Variants in COMMD1 observed in about 807,000 individuals in gnomAD.
COMMD1 encodes the protein COMM domain-containing protein 1.
A neutral mutation model predicts 17.2 loss-of-function variants in COMMD1; 10 were observed. The ratio of observed to expected loss-of-function variants is 0.58; its 90% CI spans 0.36 to 0.99. The LOEUF is 0.99. Among genes scored for constraint, COMMD1 ranks in the 50% least tolerant of loss-of-function variants. The probability of loss-of-function intolerance (pLI) is 0.01; values close to 1 mark genes in which losing one functional copy is unlikely to be tolerated. For synonymous variants in COMMD1, 97 were observed against 91.6 expected (o/e 1.06, Z -0.34); for missense variants, 270 against 231.8 (o/e 1.17, Z -1.07).
chr2:61,981,947 T>C (rs1340139733), intron 1 of COMMD1, among the ~76,000 whole-genome samples: 1 of 152,228 alleles, frequency 6.6e-6, no homozygotes, highest in African/African-American at 2.4e-5. Context: ...TTCTTTTTGC[T>C]CAGGATAGCT....
chr2:62,037,525 CATT>C (rs947330069), intron 2 of COMMD1, among the ~76,000 whole-genome samples: 2 of 152,160 alleles, frequency 1.3e-5, no homozygotes, highest in African/African-American at 4.8e-5. Flanking sequence ...CGAGAGGTAT[CATT>C]TTACTGGTTA....
chr2:61,908,468 G>T (rs914598765), intron 1 of COMMD1, among the ~76,000 whole-genome samples: 1 of 151,882 alleles, frequency 6.6e-6, no homozygotes, highest in East Asian at 1.9e-4. Flanking sequence ...CTCATGATCT[G>T]CCTGCCTCAG....
chr2:61,918,790 C>T (rs972405064), intron 1 of COMMD1, among the ~76,000 whole-genome samples: 2 of 152,000 alleles, frequency 1.3e-5, no homozygotes, highest in Non-Finnish European at 2.9e-5. Context: ...TGGAGTGGAT[C>T]CTTAAACTGC....
intron 2 of COMMD1, among the ~76,000 whole-genome samples, chr2:62,065,216 G>A (rs183669803): frequency 1.8e-4 from 28 of 152,162 alleles, no homozygotes; most frequent in Admixed American, 1.8e-3. Flanking sequence ...GGGTAAGTAG[G>A]CGATGAAGCT....
At chr2:61,941,472 A>C (rs1463576264) in intron 1 of COMMD1, among the ~76,000 whole-genome samples, 1 of 152,238 alleles carries the variant, frequency 6.6e-6, no homozygotes, top group Non-Finnish European at 1.5e-5. Flanking sequence ...GAACTGCGTT[A>C]TGGACATATT....
chr2:61,942,347 A>T (rs1309608539), intron 1 of COMMD1, among the ~76,000 whole-genome samples: 2 of 151,512 alleles, frequency 1.3e-5, no homozygotes, highest in Non-Finnish European at 2.9e-5. Flanking sequence ...CAGGTGATCC[A>T]CCCACCTCGG....
chr2:62,023,705 A>G (rs1171649019), intron 2 of COMMD1, among the ~76,000 whole-genome samples: 2 of 152,124 alleles, frequency 1.3e-5, no homozygotes, highest in African/African-American at 4.8e-5. Flanking sequence ...GGCTGGTATC[A>G]AACTCTTGAC....
chr2:61,930,131 G>A (rs1488406520), intron 1 of COMMD1, among the ~76,000 whole-genome samples: 1 of 152,160 alleles, frequency 6.6e-6, no homozygotes, highest in Non-Finnish European at 1.5e-5. Context: ...AGAGGGGGAA[G>A]CCAGCTGACT....
chr2:61,898,115 A>G (rs892623202), intron 1 of COMMD1, among the ~76,000 whole-genome samples: 1 of 152,204 alleles, frequency 6.6e-6, no homozygotes, highest in African/African-American at 2.4e-5. Flanking sequence ...TAAGATTTTA[A>G]GGCAGAGACA....
At chr2:62,031,257 G>A (rs915975964) in intron 2 of COMMD1, among the ~76,000 whole-genome samples, 7 of 152,174 alleles carry the variant, frequency 4.6e-5, no homozygotes, top group African/African-American at 1.7e-4. Flanking sequence ...CTGTATAACA[G>A]AAGACAAAAT....
intron 2 of COMMD1, among the ~76,000 whole-genome samples, chr2:62,016,943 G>A (rs1293571590): frequency 6.6e-6 from 1 of 152,146 alleles, no homozygotes; most frequent in African/African-American, 2.4e-5. Context: ...AATGATTTAT[G>A]CTACTAGGGA....
At chr2:62,087,818 A>G (rs2103992281) in intron 2 of COMMD1, among the ~76,000 whole-genome samples, 1 of 152,350 alleles carries the variant, frequency 6.6e-6, no homozygotes, top group East Asian at 1.9e-4. Context: ...GTTAGTCCAT[A>G]TGTTAGTAGG....
intron 2 of COMMD1, among the ~76,000 whole-genome samples, chr2:62,047,520 T>A (rs900236036): frequency 2.6e-5 from 4 of 151,518 alleles, no homozygotes; most frequent in Non-Finnish European, 4.4e-5. Flanking sequence ...AATGGTGAGG[T>A]CTTGGCTCAC....
At chr2:62,017,068 A>G (rs11125904) in intron 2 of COMMD1, among the ~76,000 whole-genome samples, 19,724 of 152,276 alleles carry the variant, frequency 0.13, 3,164 homozygotes, top group African/African-American at 0.38. Flanking sequence ...CACCCAAGAC[A>G]TTAATGAGTG....
At chr2:62,020,909 G>T (rs565362375) in intron 2 of COMMD1, among the ~76,000 whole-genome samples, 1 of 151,918 alleles carries the variant, frequency 6.6e-6, no homozygotes, top group African/African-American at 2.4e-5. Context: ...AGGCTGAGGC[G>T]GGAGAATTGC....
chr2:61,900,461 G>A (rs1669634310), intron 1 of COMMD1, among the ~76,000 whole-genome samples: 1 of 152,230 alleles, frequency 6.6e-6, no homozygotes, highest in Non-Finnish European at 1.5e-5. Context: ...CAAGACTGAT[G>A]GCCTGCAGGC....
At chr2:62,004,998 C>A (rs1429156321) in intron 2 of COMMD1, among the ~76,000 whole-genome samples, 1 of 152,164 alleles carries the variant, frequency 6.6e-6, no homozygotes. Flanking sequence ...AAAGTACTGT[C>A]TTCAGTTTAT....
chr2:61,996,314 ATGTGTGTGTGTGTGTGTGTG>A (rs70946774), intron 1 of COMMD1, among the ~76,000 whole-genome samples: 13 of 142,400 alleles, frequency 9.1e-5, no homozygotes, highest in Middle Eastern at 3.5e-3. Context: ...TGTTTTCTAA[ATGTGTGTGTGTGTGTGTGTG>A]TGTGTGTGTG....
At chr2:62,084,960 A>G (rs1671619036) in intron 2 of COMMD1, 1 of 152,214 alleles carries the variant, frequency 6.6e-6, no homozygotes, top group Non-Finnish European at 1.5e-5. Context: ...GTCATTGGTA[A>G]TTAGGGCCTT....
Sources: allele counts gnomAD v4.1 joint callset (sites outside exome capture counted in the v4.1 genomes callset), GRCh38; gene constraint gnomAD v4.1.1; transcripts MANE v1.5; gene names NCBI Gene and HGNC (gene_info 2026-07-23, HGNC 2026-07-21).